The following BMP7 variants were observed in gnomAD, a reference collection of about 807,000 sequenced individuals.
BMP7 encodes the protein osteogenic protein 1.
In BMP7, 12 loss-of-function variants were observed where a neutral mutation model predicts 41.2. That is an observed-to-expected ratio of 0.29 (90% CI 0.19 to 0.47). BMP7 has a LOEUF of 0.47. Ranked by LOEUF, BMP7 falls within the 20% of genes least tolerant of loss-of-function variation. BMP7 has a pLI of 0.99. For missense variants in BMP7, 467 were observed against 606.0 expected (o/e 0.77, Z 2.41); for synonymous variants, 248 against 250.0 (o/e 0.99, Z 0.07).
intron 1 of BMP7, among the ~76,000 whole-genome samples, chr20:57,254,647 TA>T (rs11477082): frequency 0.44 from 63,528 of 143,162 alleles, 17,562 homozygotes; most frequent in African/African-American, 0.8. Context: ...ATTGATACAG[TA>T]AAAAAAAAAA....
rs1177754660 is a variant in BMP7, at chr20:57,224,174, CA to C, written c.611+4054del. Among the ~76,000 whole-genome samples the C allele has an allele frequency of 6.6e-6, 1 of 152,206 alleles. No individual in the cohort carries two copies. The highest frequency in any genetic ancestry group is 1.9e-4 in the East Asian group (1 of 5,188). On this transcript the variant is annotated intron_variant, in intron 2 of 6. Coordinates refer to ENST00000395863, the MANE Select transcript of BMP7 (RefSeq NM_001719.3). The surrounding 1 kb of genome is among the most constrained non-coding windows in gnomAD (Gnocchi z 4.8). Reference sequence around the variant, plus strand: ...ATCCATCCTGTGTGGTGGGGACAGGCAGGGGGCAGCTCCCTCTTCCTCAGAG... The same window carrying C: ...ATCCATCCTGTGTGGTGGGGACAGGCGGGGGCAGCTCCCTCTTCCTCAGAG...
intron 2 of BMP7, 91 bp from the exon 3 acceptor site, chr20:57,202,714 G>T: frequency 2.5e-6 from 3 of 1,211,652 alleles, no homozygotes; most frequent in African/African-American, 1.5e-5. Flanking sequence ...TCATGGGGTG[G>T]GAGGGGAGGG....
At chr20:57,243,356 G>A (rs897947587) in intron 1 of BMP7, among the ~76,000 whole-genome samples, 18 of 151,826 alleles carry the variant, frequency 1.2e-4, no homozygotes, top group African/African-American at 4.4e-4. Context: ...GTGCATTCCT[G>A]TTCTCCCAGC....
intron 2 of BMP7, among the ~76,000 whole-genome samples, chr20:57,223,428 G>A (rs1985237992): frequency 6.6e-6 from 1 of 152,158 alleles, no homozygotes; most frequent in South Asian, 2.1e-4. Context: ...CTATTGCACA[G>A]CCAAGGCTGA....
chr20:57,263,911 A>G (rs1406105063), intron 1 of BMP7, among the ~76,000 whole-genome samples: 1 of 151,970 alleles, frequency 6.6e-6, no homozygotes, highest in Non-Finnish European at 1.5e-5. Context: ...CCCTCCAGTA[A>G]AATCTCTCTC....
At chr20:57,211,998 G>A (rs1386027526) in intron 2 of BMP7, among the ~76,000 whole-genome samples, 4 of 152,204 alleles carry the variant, frequency 2.6e-5, no homozygotes, top group African/African-American at 4.8e-5. Flanking sequence ...ACACTGAAAC[G>A]CCTCCTCTCC....
chr20:57,202,836 C>T (rs1984655189), intron 2 of BMP7, among the ~76,000 whole-genome samples: 1 of 152,160 alleles, frequency 6.6e-6, no homozygotes, highest in East Asian at 1.9e-4. Context: ...CAAAGAGATA[C>T]ACGCAGGGAA....
chr20:57,241,155 C>A (rs1207639832), intron 1 of BMP7, among the ~76,000 whole-genome samples: 1 of 152,192 alleles, frequency 6.6e-6, no homozygotes, highest in Non-Finnish European at 1.5e-5. Flanking sequence ...GGCCCGTACT[C>A]TTCCCCACTC....
Position 57,265,898 on chromosome 20 carries a change from C to T in BMP7, c.225G>A (p.Lys75=), listed in dbSNP as rs1360328809. 1.3e-6 allele frequency: 2 copies of T among 1,595,222 alleles called. No homozygotes were observed. Among genetic ancestry groups the T allele is most frequent in the Admixed American group, 1.7e-5 (1 of 57,232 alleles). ...GCATGAACATGGGTGCCGAGTTGTGCTTGCCCTGGAGGTGCGGGCGCGGGC... is the reference window on the plus strand; with the variant it reads ...GCATGAACATGGGTGCCGAGTTGTGTTTGCCCTGGAGGTGCGGGCGCGGGC... ...PHRPRPHLQG[K]HNSAPMFMLD... The change falls in exon 1 of 7, where the codon AAG becomes AAA. Residue 75 remains lysine (K), a synonymous_variant. Coordinates refer to ENST00000395863, the MANE Select transcript of BMP7 (RefSeq NM_001719.3).
intron 2 of BMP7, among the ~76,000 whole-genome samples, chr20:57,210,687 G>A (rs909814396): frequency 4.6e-5 from 7 of 152,208 alleles, no homozygotes; most frequent in African/African-American, 1.2e-4. Context: ...CAGGAAACAC[G>A]AATTCCAACA....
intron 3 of BMP7, among the ~76,000 whole-genome samples, chr20:57,185,639 C>T (rs1984192379): frequency 6.6e-6 from 1 of 152,194 alleles, no homozygotes; most frequent in African/African-American, 2.4e-5. Flanking sequence ...GAGGTCTGGC[C>T]TAGGCTTGAT....
Position 57,213,108 on chromosome 20 carries a change from C to T in BMP7, c.612-10485G>A, listed in dbSNP as rs1282496413. Among the ~76,000 whole-genome samples, 1 of 152,218 alleles carries T rather than the reference C, an allele frequency of 6.6e-6. No homozygotes were observed. Among genetic ancestry groups the T allele is most frequent in the Non-Finnish European group, 1.5e-5 (1 of 68,040 alleles). On this transcript the variant is annotated intron_variant, in intron 2 of 6. Coordinates refer to ENST00000395863, the MANE Select transcript of BMP7 (RefSeq NM_001719.3). The surrounding 1 kb of genome is among the most constrained non-coding windows in gnomAD (Gnocchi z 4.4). ...ATATCCTCCTGCCCCAGACAGAGCT[C>T]GGGTGGCCACCCACGGCCCTCTCAC...
At chr20:57,253,544 G>C (rs943814941) in intron 1 of BMP7, among the ~76,000 whole-genome samples, 1 of 152,070 alleles carries the variant, frequency 6.6e-6, no homozygotes, top group Non-Finnish European at 1.5e-5. Flanking sequence ...AGTCCCTGTC[G>C]TGTTAATGGG....
intron 3 of BMP7, among the ~76,000 whole-genome samples, chr20:57,192,586 G>A (rs1984396205): frequency 6.6e-6 from 1 of 151,800 alleles, no homozygotes; most frequent in South Asian, 2.1e-4. Flanking sequence ...GCATCTGTAA[G>A]GCATAGGGGC....
intron 1 of BMP7, among the ~76,000 whole-genome samples, chr20:57,239,677 T>C (rs1402755892): frequency 6.6e-6 from 1 of 152,230 alleles, no homozygotes; most frequent in South Asian, 2.1e-4. Context: ...TGCCTGGGCA[T>C]CCAGGCATTT....
intron 3 of BMP7, among the ~76,000 whole-genome samples, chr20:57,201,329 G>C (rs1276088662): frequency 6.6e-6 from 1 of 152,230 alleles, no homozygotes; most frequent in African/African-American, 2.4e-5. Flanking sequence ...TGTGTGGGTG[G>C]CAGAGCTACA....
chr20:57,217,851 T>A (rs182795), intron 2 of BMP7, among the ~76,000 whole-genome samples: 103,242 of 151,992 alleles, frequency 0.68, 36,759 homozygotes, highest in African/African-American at 0.91. Flanking sequence ...CTATTGATGT[T>A]AGGTGTTAAA....
chr20:57,182,377 C>T (rs1344956950), intron 4 of BMP7, among the ~76,000 whole-genome samples: 2 of 152,232 alleles, frequency 1.3e-5, no homozygotes, highest in African/African-American at 2.4e-5. Flanking sequence ...CTGTCAATGT[C>T]GGTTTCCCAA....
At chr20:57,197,856 T>G (rs926767166) in intron 3 of BMP7, among the ~76,000 whole-genome samples, 1 of 152,176 alleles carries the variant, frequency 6.6e-6, no homozygotes, top group Non-Finnish European at 1.5e-5. Flanking sequence ...CAAAGGTGAC[T>G]GAGGAGCTGT....
Sources: gnomAD v4.1 joint callset for allele counts (sites outside exome capture counted in the v4.1 genomes callset) on GRCh38, gnomAD v4.1.1 for gene constraint, Gnocchi (gnomAD v3.1) non-coding constraint, MANE v1.5 for transcripts, NCBI Gene and HGNC (gene_info 2026-07-23, HGNC 2026-07-21) for gene names.